The following RIOX2 variants were observed in gnomAD, a reference collection of about 807,000 sequenced individuals.
RIOX2 encodes ribosomal oxygenase 2, also known as 60S ribosomal protein L27a histidine hydroxylase.
Under a neutral mutation model 51.2 loss-of-function variants are expected in RIOX2, and 43 were observed. That is an observed-to-expected ratio of 0.84 (90% confidence interval 0.66 to 1.08). RIOX2 has a LOEUF of 1.08. Ranked by LOEUF, RIOX2 falls within the 50% of genes least tolerant of loss-of-function variation. The pLI is 0.00. For synonymous variants in RIOX2, 226 were observed against 218.5 expected, an observed-to-expected ratio of 1.03 and a Z score of -0.30; for missense variants, 566 against 561.7, an observed-to-expected ratio of 1.01 and a Z score of -0.08.
chr3:97,954,247 G>A (rs376497515), intron 5 of RIOX2, 145 bp downstream of exon 5: 29 of 622,572 alleles, frequency 4.7e-5, no homozygotes, highest in African/African-American at 2.6e-4. Context: ...GGACATCAAA[G>A]GAATGTGGAA....
At chr3:97,958,524 T>C (rs1056697038) in intron 4 of RIOX2, among the ~76,000 whole-genome samples, 1 of 152,186 alleles carries the variant, frequency 6.6e-6, no homozygotes, top group African/African-American at 2.4e-5. Context: ...CCTCAAGAAC[T>C]TTCCTGATTA....
chr3:97,946,604 A>ATATATATATATC (rs1553712244), intron 8 of RIOX2, among the ~76,000 whole-genome samples: 10,780 of 139,296 alleles, frequency 0.077, 535 homozygotes, highest in Non-Finnish European at 0.1. Context: ...ATATATATAT[A>ATATATATATATC]TATCTATTCA....
At chr3:97,952,229 C>A in intron 5 of RIOX2, 4 of 1,289,782 alleles carry the variant, frequency 3.1e-6, no homozygotes, top group Non-Finnish European at 4.0e-6. Context: ...CAAGTCACAT[C>A]TTCTCATTCT....
rs2107116764 is a variant in RIOX2 at position 97,943,000 on chromosome 3, A to G, written c.*2184T>C. ...TCACATTAAGGCACGCCACTTATAC[A>G]ATCATGTATTATACCTTTTAGTATT... On this transcript the variant is annotated 3_prime_UTR_variant, in exon 10 of 10. Transcript: ENST00000394198. 2.1e-6 allele frequency: 1 copy of G among 474,412 alleles called. No individual in the cohort carries two copies. The highest frequency in any genetic ancestry group is 3.7e-6 in the Non-Finnish European group (1 of 271,082). 29.4% of individuals were successfully genotyped at this position (474,412 alleles called of 1,614,324 possible). A position where few individuals can be genotyped will look rare whatever the true frequency, so the allele number is the denominator to read the frequency against.
Position 97,945,792 on chromosome 3 carries a change from A to C in RIOX2, c.1239+6T>G, listed in dbSNP as rs1360846405. 1 of 1,604,260 alleles carries C rather than the reference A, an allele frequency of 6.2e-7. No homozygotes were observed. Among genetic ancestry groups the C allele is most frequent in the Non-Finnish European group, 8.5e-7 (1 of 1,172,520 alleles). ...GGATAGGCATTTGTTTTCAGTTGAA[A>C]CAAACCTCTGTTTCCTCCTCATTTC... On this transcript the variant is annotated splice_donor_region_variant and intron_variant, in intron 9 of 9. Coordinates refer to ENST00000394198, the MANE Select transcript of RIOX2 (RefSeq NM_153182.4).
At chr3:97,970,860 A>G (rs1706101071) in intron 1 of RIOX2, among the ~76,000 whole-genome samples, 1 of 152,194 alleles carries the variant, frequency 6.6e-6, no homozygotes, top group Non-Finnish European at 1.5e-5. Context: ...TTTTAAAGGT[A>G]CCCTAACCTC....
intron 2 of RIOX2, among the ~76,000 whole-genome samples, chr3:97,966,136 G>C (rs1179655238): frequency 6.6e-6 from 1 of 152,122 alleles, no homozygotes; most frequent in African/African-American, 2.4e-5. Flanking sequence ...AGAAAGAAAG[G>C]GAAGGGCATT....
intron 5 of RIOX2, among the ~76,000 whole-genome samples, chr3:97,952,998 G>A (rs1705306020): frequency 6.6e-6 from 1 of 152,170 alleles, no homozygotes; most frequent in Non-Finnish European, 1.5e-5. Context: ...AAAGTCTGAT[G>A]AGGAAGCAGA....
intron 2 of RIOX2, among the ~76,000 whole-genome samples, chr3:97,963,797 C>G (rs913727423): frequency 6.6e-6 from 1 of 152,154 alleles, no homozygotes; most frequent in African/African-American, 2.4e-5. Flanking sequence ...TCTATTTCAT[C>G]TGGACCTTTA....
At chr3:97,962,024 T>C (rs966780638) in intron 2 of RIOX2, among the ~76,000 whole-genome samples, 2 of 152,118 alleles carry the variant, frequency 1.3e-5, no homozygotes, top group African/African-American at 4.8e-5. Flanking sequence ...ACCCTGGTTA[T>C]TGTGTGAAGA....
chr3:97,967,072 T>A, intron 2 of RIOX2, 90 bp downstream of exon 2: 1 of 1,385,548 alleles, frequency 7.2e-7, no homozygotes, highest in Non-Finnish European at 9.9e-7. Flanking sequence ...CTAACCATCA[T>A]CAAACTACGT....
chr3:97,945,824 TG>T lies in RIOX2; in HGVS notation c.1212del (p.His404GlnfsTer2). ...YHSLKNSRET[H>X]MMGNEEETEF... Reference sequence around the variant, plus strand: ...TCTGTTTCCTCCTCATTTCCCATCATGTGTGTCTCTCTACTATTCTTTAAGG... The same window carrying T: ...TCTGTTTCCTCCTCATTTCCCATCATTGTGTCTCTCTACTATTCTTTAAGG... On this transcript the variant is annotated frameshift_variant, in exon 9 of 10. Coordinates refer to ENST00000394198, the MANE Select transcript of RIOX2 (RefSeq NM_153182.4). LOFTEE classifies it high-confidence loss of function. 6.2e-7 allele frequency: 1 copy of T among 1,610,842 alleles called. No individual in the cohort carries two copies. Among genetic ancestry groups the T allele is most frequent in the Non-Finnish European group, 8.5e-7 (1 of 1,177,450 alleles).
intron 3 of RIOX2, 127 bp from the exon 4 acceptor site, chr3:97,959,306 GTT>G (rs67345115): frequency 0.029 from 6,802 of 234,544 alleles, no homozygotes; most frequent in Middle Eastern, 0.045. Flanking sequence ...AACAACACAG[GTT>G]TTTTTTTTTT....
rs552561147 is a variant in RIOX2 at position 97,967,199 on chromosome 3, C to G, written c.395G>C (p.Arg132Thr). 5 of 1,614,048 alleles carry G rather than the reference C, an allele frequency of 3.1e-6. No individual in the cohort carries two copies. In the African/African-American group the frequency reaches 5.3e-5, roughly 17 times the overall value. The part of the protein sequence containing the change: ...LQLRKDFDQK[R>T]ATIQFHQPQR... ...AGGTTGGTGAAACTGAATCGTTGCC[C>G]TTTTCTGATCAAAATCTTTTCTCAG... The change falls in exon 2 of 10, where the codon AGG becomes ACG. Residue 132 changes from arginine (R) to threonine (T), a missense_variant. Coordinates refer to ENST00000394198, the MANE Select transcript of RIOX2 (RefSeq NM_153182.4).
Position 97,967,526 on chromosome 3 carries a change from T to A in RIOX2, c.68A>T (p.Lys23Met). The part of the protein sequence containing the change: ...EEGPAPCKQM[K>M]LEAAGGPSAL... ...TGAAGGCCCCCCAGCTGCTTCTAAC[T>A]TCATCTGCTTACAGGGAGCCGGCCC... is the stretch of plus-strand genomic sequence containing the variant. The change falls in exon 2 of 10, where the codon AAG (lysine) becomes ATG (methionine). Residue 23 changes from lysine to methionine, a missense_variant. Lys to Met is a moderately conservative substitution (Grantham distance 95). Coordinates refer to ENST00000394198, the MANE Select transcript of RIOX2 (RefSeq NM_153182.4). The A allele has an allele frequency of 6.2e-7, 1 of 1,612,092 alleles. No homozygotes were observed. Among genetic ancestry groups the A allele is most frequent in the South Asian group, 1.1e-5 (1 of 91,050 alleles).
intron 4 of RIOX2, among the ~76,000 whole-genome samples, chr3:97,956,299 G>A (rs1197159810): frequency 6.6e-6 from 1 of 152,104 alleles, no homozygotes; most frequent in Non-Finnish European, 1.5e-5. Flanking sequence ...CCTCCTGGCT[G>A]GAAAACGTAA....
intron 3 of RIOX2, 127 bp from the exon 4 acceptor site, chr3:97,959,306 GTTTTT>G (rs67345115): frequency 3.7e-4 from 89 of 237,344 alleles, no homozygotes; most frequent in African/African-American, 1.8e-3. Flanking sequence ...AACAACACAG[GTTTTT>G]TTTTTTTTTT....
chr3:97,951,394 A>C (rs774833871), intron 5 of RIOX2, among the ~76,000 whole-genome samples: 10 of 152,130 alleles, frequency 6.6e-5, no homozygotes, highest in South Asian at 2.1e-4. Context: ...AAGGGATGCT[A>C]CTCCTAAAGA....
intron 3 of RIOX2, among the ~76,000 whole-genome samples, chr3:97,960,859 G>A (rs1333568715): frequency 6.6e-6 from 1 of 152,150 alleles, no homozygotes; most frequent in Non-Finnish European, 1.5e-5. Flanking sequence ...TGTTGAAAGG[G>A]CCTGGGGAGA....
Sources: gnomAD v4.1 joint callset for allele counts (sites outside exome capture counted in the v4.1 genomes callset) on GRCh38, gnomAD v4.1.1 for gene constraint, MANE v1.5 for transcripts, NCBI Gene and HGNC (gene_info 2026-07-23, HGNC 2026-07-21) for gene names.